Variants in PYM1 observed in about 807,000 individuals in gnomAD.
PYM1 encodes the protein partner of Y14 and mago.
A neutral mutation model predicts 20.7 loss-of-function variants in PYM1; 7 were observed. The observed-to-expected ratio is 0.34, with a 90% CI of 0.19 to 0.64. The LOEUF is 0.64. Among genes scored for constraint, PYM1 ranks in the 30% least tolerant of loss-of-function variants. The pLI, the probability that PYM1 is intolerant of heterozygous loss-of-function variation, is 0.74. For synonymous variants in PYM1, 100 were observed against 99.2 expected (o/e 1.01, Z -0.05); for missense variants, 194 against 250.0 (o/e 0.78, Z 1.51).
intron 1 of PYM1, chr12:55,927,232 A>G (rs564224711): frequency 1.1e-5 from 15 of 1,395,222 alleles, no homozygotes; most frequent in Admixed American, 3.9e-5. Flanking sequence ...GCACCATTTC[A>G]TGGGCGGAGG....
intron 1 of PYM1, among the ~76,000 whole-genome samples, chr12:55,926,113 C>T (rs1028158302): frequency 6.6e-6 from 1 of 152,220 alleles, no homozygotes; most frequent in African/African-American, 2.4e-5. Flanking sequence ...CTACAGACTA[C>T]AGACTACACA....
chr12:55,916,526 G>A (rs1334979085), intron 1 of PYM1, among the ~76,000 whole-genome samples: 11 of 151,918 alleles, frequency 7.2e-5, no homozygotes, highest in Admixed American at 6.6e-5. Flanking sequence ...AGCCAGGCAC[G>A]GTGACTCACG....
chr12:55,903,760 A>C (rs1252237435), intron 1 of PYM1, among the ~76,000 whole-genome samples: 1 of 152,144 alleles, frequency 6.6e-6, no homozygotes, highest in Non-Finnish European at 1.5e-5. Context: ...AACCAAGGCA[A>C]TAGCATGGGA....
chr12:55,906,441 A>G (rs974933984), intron 1 of PYM1, among the ~76,000 whole-genome samples: 1 of 152,144 alleles, frequency 6.6e-6, no homozygotes, highest in African/African-American at 2.4e-5. Context: ...TGACAAATGC[A>G]TGCTTACAGG....
intron 1 of PYM1, among the ~76,000 whole-genome samples, chr12:55,923,088 G>A (rs1218863309): frequency 6.6e-6 from 1 of 152,000 alleles, no homozygotes; most frequent in African/African-American, 2.4e-5. Context: ...GCCGGGCATG[G>A]TGGCACATGC....
chr12:55,914,114 T>C (rs1008045536), intron 1 of PYM1: 17 of 479,136 alleles, frequency 3.5e-5, no homozygotes, highest in African/African-American at 2.1e-4. Flanking sequence ...AAAGGGACAA[T>C]ACTACAAACA....
chr12:55,914,292 T>C (rs1882970411), intron 1 of PYM1: 1 of 702,232 alleles, frequency 1.4e-6, no homozygotes, highest in Non-Finnish European at 2.6e-6. Context: ...TATGTTATCT[T>C]GGTTCCATCC....
intron 2 of PYM1, 116 bp downstream of exon 2, chr12:55,903,271 T>G: frequency 1.2e-6 from 1 of 839,556 alleles, no homozygotes. Context: ...TAGTTGCCCC[T>G]CCTTCCATTT....
intron 1 of PYM1, among the ~76,000 whole-genome samples, chr12:55,915,233 A>AAG (rs1882986262): frequency 6.6e-6 from 1 of 150,446 alleles, no homozygotes; most frequent in African/African-American, 2.4e-5. Context: ...AAAAAAAAAA[A>AAG]AAAGTAAAGG....
At chr12:55,902,498 G>A (rs758334053) in intron 2 of PYM1, 143 bp from the exon 3 acceptor site, 2 of 1,250,156 alleles carry the variant, frequency 1.6e-6, no homozygotes, top group Non-Finnish European at 2.2e-6. Context: ...TGTTTTTTGA[G>A]ATAGAGTCTC....
chr12:55,918,072 G>T lies in PYM1; in HGVS notation c.37+9653C>A, dbSNP rs1055717381. Among the ~76,000 whole-genome samples the T allele has an allele frequency of 2.2e-4, 33 of 151,332 alleles. 1 individual carries two copies. Among genetic ancestry groups the T allele is most frequent in the African/African-American group, 7.7e-4 (32 of 41,342 alleles). On this transcript the variant is annotated intron_variant, in intron 1 of 2. Transcript: ENST00000408946. ...CTCAGCATCACATAATTATACCCAT[G>T]TAACAAACCTACACATTTTCTTTTT...
chr12:55,903,151 A>G (rs1882726446), intron 2 of PYM1, among the ~76,000 whole-genome samples: 1 of 152,154 alleles, frequency 6.6e-6, no homozygotes, highest in South Asian at 2.1e-4. Context: ...CGAAGTCCCT[A>G]GAACCTAAAG....
chr12:55,919,739 A>G (rs1883066643), intron 1 of PYM1, among the ~76,000 whole-genome samples: 1 of 151,888 alleles, frequency 6.6e-6, no homozygotes, highest in African/African-American at 2.4e-5. Context: ...CTCTAACTAA[A>G]AATACAAAAA....
At chr12:55,903,542 C>T (rs1357468578) in intron 1 of PYM1, 62 bp from the exon 2 acceptor site, 1 of 1,529,128 alleles carries the variant, frequency 6.5e-7, no homozygotes, top group Non-Finnish European at 9.0e-7. Context: ...CAAGATGAGA[C>T]AAGAATGTAT....
intron 1 of PYM1, among the ~76,000 whole-genome samples, chr12:55,921,985 CT>C (rs1235446819): frequency 6.6e-6 from 1 of 152,114 alleles, no homozygotes; most frequent in African/African-American, 2.4e-5. Context: ...CAATCTTCCC[CT>C]CTGAGGCTCC....
chr12:55,902,723 G>A (rs1029320678), intron 2 of PYM1, among the ~76,000 whole-genome samples: 3 of 150,430 alleles, frequency 2.0e-5, no homozygotes, highest in East Asian at 2.0e-4. Flanking sequence ...GTGATCCACC[G>A]ATCTTGGCCT....
At chr12:55,905,965 A>C (rs1389876774) in intron 1 of PYM1, among the ~76,000 whole-genome samples, 1 of 129,780 alleles carries the variant, frequency 7.7e-6, no homozygotes, top group African/African-American at 3.3e-5. Context: ...TATATCTAAT[A>C]GATATATATA....
intron 1 of PYM1, among the ~76,000 whole-genome samples, chr12:55,903,756 GGCAATA>G (rs1215362656): frequency 6.6e-6 from 1 of 152,024 alleles, no homozygotes; most frequent in Non-Finnish European, 1.5e-5. Context: ...AAAAAACCAA[GGCAATA>G]GCATGGGAAC....
intron 1 of PYM1, among the ~76,000 whole-genome samples, chr12:55,917,316 G>A (rs1883024762): frequency 6.6e-6 from 1 of 150,774 alleles, no homozygotes; most frequent in Non-Finnish European, 1.5e-5. Context: ...AGCTACTTGG[G>A]AGGCTGAGGC....
Sources: gnomAD v4.1 joint callset for allele counts (sites outside exome capture counted in the v4.1 genomes callset) on GRCh38, gnomAD v4.1.1 for gene constraint, MANE v1.5 for transcripts, NCBI Gene and HGNC (gene_info 2026-07-23, HGNC 2026-07-21) for gene names.